The following CDCA7L variants were observed in gnomAD, a reference collection of about 807,000 sequenced individuals.
CDCA7L encodes the protein cell division cycle-associated 7-like protein.
A neutral mutation model predicts 57.4 loss-of-function variants in CDCA7L; 44 were observed. The ratio of observed to expected loss-of-function variants is 0.77; its 90% CI spans 0.60 to 0.98. The LOEUF is 0.98. Among genes scored for constraint, CDCA7L ranks in the 50% least tolerant of loss-of-function variants. The probability of loss-of-function intolerance (pLI) is 0.00; values close to 1 mark genes in which losing one functional copy is unlikely to be tolerated. For missense variants in CDCA7L, 644 were observed against 580.6 expected (o/e 1.11, Z -1.12); for synonymous variants, 236 against 202.8 (o/e 1.16, Z -1.39).
At chr7:21,934,087 C>T (rs1045461733) in intron 1 of CDCA7L, among the ~76,000 whole-genome samples, 1 of 152,154 alleles carries the variant, frequency 6.6e-6, no homozygotes, top group Non-Finnish European at 1.5e-5. Flanking sequence ...TACACCGTAA[C>T]TTTGTCAAAG....
chr7:21,936,691 C>A (rs1786175974), intron 1 of CDCA7L, among the ~76,000 whole-genome samples: 1 of 151,878 alleles, frequency 6.6e-6, no homozygotes, highest in Non-Finnish European at 1.5e-5. Context: ...TACGAAAAAC[C>A]CGCAACTAAC....
intron 6 of CDCA7L, 140 bp from the exon 7 acceptor site, chr7:21,905,771 G>A: frequency 1.1e-6 from 1 of 947,210 alleles, no homozygotes; most frequent in Non-Finnish European, 1.5e-6. Flanking sequence ...ATTTCATTTA[G>A]TTATTTACTG....
intron 8 of CDCA7L, 27 bp from the exon 9 acceptor site, chr7:21,903,141 T>G (rs753369615): frequency 5.0e-6 from 8 of 1,604,912 alleles, no homozygotes; most frequent in Non-Finnish European, 6.8e-6. Flanking sequence ...AGCAGACACT[T>G]CGCTCATTAT....
intron 1 of CDCA7L, among the ~76,000 whole-genome samples, chr7:21,943,667 T>C (rs770439436): frequency 6.6e-6 from 1 of 152,110 alleles, no homozygotes; most frequent in Non-Finnish European, 1.5e-5. Flanking sequence ...AACAGGAACA[T>C]TTCCACTGGA....
intron 1 of CDCA7L, among the ~76,000 whole-genome samples, chr7:21,941,324 T>C (rs900860495): frequency 2.2e-4 from 34 of 152,142 alleles, no homozygotes; most frequent in African/African-American, 6.5e-4. Flanking sequence ...GTAATGCTGA[T>C]AGTGCTAAGG....
At chr7:21,905,370 T>G in intron 7 of CDCA7L, 136 bp downstream of exon 7, 1 of 949,682 alleles carries the variant, frequency 1.1e-6, no homozygotes, top group Admixed American at 2.3e-5. Context: ...CAGCTGACTT[T>G]TGACCCTCCA....
chr7:21,901,438 G>A lies in CDCA7L; in HGVS notation c.*884C>T, dbSNP rs1480554886. 1.3e-6 allele frequency: 1 copy of A among 791,238 alleles called. No homozygotes were observed. The highest frequency in any genetic ancestry group is 1.8e-6 in the Non-Finnish European group (1 of 570,318). 49.0% of individuals were successfully genotyped at this position (791,238 alleles called of 1,614,324 possible). ...TAGAAACTAACTCAGGGCTGAGCGTGGTGGCACACGACTGTAATCCCAGTT... is the reference window on the plus strand; with the variant it reads ...TAGAAACTAACTCAGGGCTGAGCGTAGTGGCACACGACTGTAATCCCAGTT... On this transcript the variant is annotated 3_prime_UTR_variant, in exon 10 of 10. Coordinates refer to ENST00000406877, the MANE Select transcript of CDCA7L (RefSeq NM_018719.5).
intron 3 of CDCA7L, among the ~76,000 whole-genome samples, chr7:21,910,069 A>G (rs1785267223): frequency 1.3e-5 from 2 of 152,196 alleles, no homozygotes; most frequent in African/African-American, 4.8e-5. Flanking sequence ...ATCATGATCT[A>G]TGTAACTACA....
At chr7:21,903,755 CA>C in intron 8 of CDCA7L, 1 of 195,628 alleles carries the variant, frequency 5.1e-6, no homozygotes, top group Admixed American at 5.5e-5. Flanking sequence ...CTCTATACTG[CA>C]ATCTCCACCT....
In CDCA7L at chr7:21,916,823, A is replaced by G; in HGVS notation, c.96T>C (p.Asp32=). 1 of 1,614,080 alleles carries G rather than the reference A, an allele frequency of 6.2e-7. No individual in the cohort carries two copies. Among genetic ancestry groups the G allele is most frequent in the South Asian group, 1.1e-5 (1 of 91,072 alleles). ...DDEEFVGFRD[D]VPMETLSSEE... ...CTGACGAGAGGGTTTCCATGGGAAC[A>G]TCATCTCGGAAGCCAACAAACTCTT... Residue 32 remains aspartate (D), a synonymous_variant, in exon 2 of 10, where the codon GAT becomes GAC. Transcript: ENST00000406877.
chr7:21,922,677 AGT>A (rs988458514), intron 1 of CDCA7L, among the ~76,000 whole-genome samples: 1 of 152,224 alleles, frequency 6.6e-6, no homozygotes, highest in African/African-American at 2.4e-5. Context: ...AGGGCATCAA[AGT>A]GTTAAGAAGA....
chr7:21,939,156 A>C (rs1786265379), intron 1 of CDCA7L, among the ~76,000 whole-genome samples: 1 of 152,240 alleles, frequency 6.6e-6, no homozygotes, highest in Non-Finnish European at 1.5e-5. Flanking sequence ...TCATATCCTC[A>C]GAGACAGAAA....
intron 9 of CDCA7L, chr7:21,902,661 CTTCATAATCTGTG>C (rs1784962604): frequency 2.0e-6 from 1 of 495,610 alleles, no homozygotes; most frequent in Admixed American, 3.5e-5. Flanking sequence ...ATGGCTGCCT[CTTCATAATCTGTG>C]TCTTTCCCCT....
intron 1 of CDCA7L, among the ~76,000 whole-genome samples, chr7:21,927,925 A>C (rs771168011): frequency 1.3e-5 from 2 of 152,208 alleles, no homozygotes; most frequent in Non-Finnish European, 2.9e-5. Context: ...GCCAGCTCTA[A>C]AGGAGCAGCA....
intron 1 of CDCA7L, among the ~76,000 whole-genome samples, chr7:21,922,071 C>A (rs375587971): frequency 6.6e-6 from 1 of 152,070 alleles, no homozygotes; most frequent in Non-Finnish European, 1.5e-5. Context: ...GACTTTGTAG[C>A]CATTTTCTTA....
At position 21,906,242 on chromosome 7, in the gene CDCA7L, G is replaced by A. The variant is rs2128057677; in HGVS notation, c.921+47C>T. 3.9e-6 allele frequency: 6 copies of A among 1,534,598 alleles called. 1 individual carries two copies. Among genetic ancestry groups the A allele is most frequent in the Non-Finnish European group, 4.4e-6 (5 of 1,132,194 alleles). On this transcript the variant is annotated intron_variant, in intron 6 of 9. Transcript: ENST00000406877. Reference sequence around the variant, plus strand: ...AGTGACGTGCGTTCACGTTTGGAGGGATGGTAGCTCAGACAAAAACTAATT... The same window carrying A: ...AGTGACGTGCGTTCACGTTTGGAGGAATGGTAGCTCAGACAAAAACTAATT...
At chr7:21,905,687 T>A (rs1165633925) in intron 6 of CDCA7L, 56 bp from the exon 7 acceptor site, 2 of 1,556,038 alleles carry the variant, frequency 1.3e-6, no homozygotes, top group African/African-American at 2.8e-5. Context: ...ATAAAAAAAT[T>A]ATAAATATTT....
intron 1 of CDCA7L, among the ~76,000 whole-genome samples, chr7:21,928,354 A>G (rs551988919): frequency 6.6e-6 from 1 of 152,302 alleles, no homozygotes; most frequent in East Asian, 1.9e-4. Context: ...AGGAAAAACC[A>G]GCACAAAAAG....
In CDCA7L at chr7:21,900,964, A is replaced by G. The variant is rs761958717; in HGVS notation, c.*1358T>C. On this transcript the variant is annotated 3_prime_UTR_variant, in exon 10 of 10. Transcript: ENST00000406877. Reference sequence around the variant, plus strand: ...AACTTACTTGATCATTATCATTAGTAGCAAGCTGCCACACAATTGCAACCG... The same window carrying G: ...AACTTACTTGATCATTATCATTAGTGGCAAGCTGCCACACAATTGCAACCG... 2.0e-6 allele frequency: 3 copies of G among 1,525,046 alleles called. No individual in the cohort carries two copies. Among genetic ancestry groups the G allele is most frequent in the African/African-American group, 1.4e-5 (1 of 72,132 alleles). 94.5% of individuals were successfully genotyped at this position (1,525,046 alleles called of 1,614,324 possible).
Sources: gnomAD v4.1 joint callset for allele counts (sites outside exome capture counted in the v4.1 genomes callset) on GRCh38, gnomAD v4.1.1 for gene constraint, MANE v1.5 for transcripts, NCBI Gene and HGNC (gene_info 2026-07-23, HGNC 2026-07-21) for gene names.